The following DRC9 variants were observed in gnomAD, a reference collection of about 807,000 sequenced individuals.
DRC9 encodes the protein dynein regulatory complex subunit 9, also known as dynein regulatory complex protein 9.
At chr3:197,904,312 AG>A in the DRC9 span, among the ~76,000 whole-genome samples, 1 of 152,032 alleles carries the variant, frequency 6.6e-6, no homozygotes, top group Admixed American at 6.6e-5. Flanking sequence ...AAGGCTGTGG[AG>A]AAAAAGGAAT....
chr3:197,921,878 G>A, the DRC9 span, among the ~76,000 whole-genome samples: 1 of 141,682 alleles, frequency 7.1e-6, no homozygotes, highest in Non-Finnish European at 1.5e-5. Flanking sequence ...TAACTCTGGG[G>A]ATTTCACCTG....
the DRC9 span, chr3:197,913,345 C>CGTGCGTGT: frequency 8.9e-6 from 2 of 225,506 alleles, no homozygotes; most frequent in Non-Finnish European, 8.6e-6. Context: ...TGCGTGCGTG[C>CGTGCGTGT]GTGTGTGCGT....
the DRC9 span, chr3:197,954,113 T>C: frequency 3.7e-6 from 6 of 1,614,176 alleles, no homozygotes; most frequent in Non-Finnish European, 5.1e-6. Context: ...CGAAGCAATC[T>C]TCCTGCTAAG....
the DRC9 span, among the ~76,000 whole-genome samples, chr3:197,927,855 G>A: frequency 6.6e-6 from 1 of 151,452 alleles, no homozygotes; most frequent in Non-Finnish European, 1.5e-5. Flanking sequence ...ACTGTCACAA[G>A]GACAGAAAAC....
At chr3:197,920,037 T>TAA in the DRC9 span, among the ~76,000 whole-genome samples, 4,107 of 138,282 alleles carry the variant, frequency 0.03, 231 homozygotes, top group African/African-American at 0.1. Flanking sequence ...CCATCTCTAC[T>TAA]AAAAAAAAAA....
chr3:197,951,139 G>T, the DRC9 span: 4 of 1,613,982 alleles, frequency 2.5e-6, no homozygotes, highest in South Asian at 4.4e-5. Context: ...GTTTCATGTT[G>T]TGTATCTTTT....
the DRC9 span, chr3:197,912,718 CG>C: frequency 1.2e-6 from 2 of 1,613,830 alleles, no homozygotes; most frequent in Non-Finnish European, 1.7e-6. Context: ...TGTATGAGTC[CG>C]GGCCTCTTCT....
the DRC9 span, chr3:197,913,318 TTGCGTGTGTGCGTGCGTGCGTGCG>T: frequency 8.7e-5 from 16 of 183,588 alleles, no homozygotes; most frequent in South Asian, 3.1e-4. Context: ...GTGCCTGGCT[TTGCGTGTGTGCGTGCGTGCGTGCG>T]TGCGTGTGTG....
the DRC9 span, chr3:197,938,708 G>A: frequency 1.3e-5 from 21 of 1,614,016 alleles, no homozygotes; most frequent in Non-Finnish European, 1.7e-5. Flanking sequence ...AACGGACTGG[G>A]TATTTTTGTG....
At chr3:197,952,764 G>C in the DRC9 span, 2 of 152,140 alleles carry the variant, frequency 1.3e-5, no homozygotes, top group Admixed American at 1.3e-4. Context: ...AGAGTGCTGG[G>C]ATTATAGCGC....
At chr3:197,932,230 CA>C in the DRC9 span, 9 of 1,613,316 alleles carry the variant, frequency 5.6e-6, no homozygotes, top group Non-Finnish European at 7.6e-6. Context: ...TCAAAGCTTG[CA>C]GGAGACTGTT....
At chr3:197,933,063 T>C in the DRC9 span, among the ~76,000 whole-genome samples, 6 of 75,834 alleles carry the variant, frequency 7.9e-5, no homozygotes, top group African/African-American at 7.6e-4. Flanking sequence ...ATACATATAT[T>C]ATACATATAT....
the DRC9 span, among the ~76,000 whole-genome samples, chr3:197,915,401 C>T: frequency 1.2e-4 from 19 of 152,036 alleles, no homozygotes; most frequent in East Asian, 2.9e-3. Flanking sequence ...CACAGGACCC[C>T]GGAGACCCAA....
At chr3:197,901,294 T>C in the DRC9 span, among the ~76,000 whole-genome samples, 2 of 152,174 alleles carry the variant, frequency 1.3e-5, no homozygotes, top group Non-Finnish European at 2.9e-5. The surrounding 1 kb of genome is among the most constrained non-coding windows in gnomAD (Gnocchi z 4.4). Flanking sequence ...CTTGCCACCA[T>C]GCCCGGCTAA....
the DRC9 span, among the ~76,000 whole-genome samples, chr3:197,904,108 ATAT>A: frequency 0.071 from 2,744 of 38,614 alleles, 68 homozygotes; most frequent in Admixed American, 0.093. Context: ...ATATATATAT[ATAT>A]TTTTTTTTTT....
chr3:197,928,367 G>A, the DRC9 span, among the ~76,000 whole-genome samples: 1 of 74,238 alleles, frequency 1.3e-5, no homozygotes, highest in Non-Finnish European at 2.9e-5. Flanking sequence ...TTGTTTTTTT[G>A]AGGCAGAGTC....
chr3:197,960,176 C>T, the DRC9 span: 208 of 1,514,150 alleles, frequency 1.4e-4, no homozygotes, highest in Non-Finnish European at 1.8e-4. Flanking sequence ...CTACCCCCAG[C>T]GGCGAGGGGC....
the DRC9 span, among the ~76,000 whole-genome samples, chr3:197,899,007 A>C: frequency 6.6e-6 from 1 of 152,242 alleles, no homozygotes; most frequent in Non-Finnish European, 1.5e-5. Context: ...TTGTAAAAAA[A>C]ACTATAGGGC....
the DRC9 span, chr3:197,943,893 A>G: frequency 1.2e-6 from 2 of 1,614,052 alleles, no homozygotes. Context: ...TGGAAGGGAC[A>G]GTGGCTCTAG....
Sources: gnomAD v4.1 joint callset for allele counts (sites outside exome capture counted in the v4.1 genomes callset) on GRCh38, gnomAD v4.1.1 for gene constraint, Gnocchi (gnomAD v3.1) non-coding constraint, MANE v1.5 for transcripts, NCBI Gene and HGNC (gene_info 2026-07-23, HGNC 2026-07-21) for gene names.